SV2B: variants seen among roughly 807,000 people sequenced by gnomAD.
The protein encoded by SV2B is synaptic vesicle glycoprotein 2B, also known as solute carrier family 22 member B2.
In SV2B, 41 loss-of-function variants were observed where a neutral mutation model predicts 73.9. The ratio of observed to expected loss-of-function variants is 0.56; its 90% CI spans 0.43 to 0.72. The LOEUF (loss-of-function observed/expected upper bound fraction) is 0.72, where lower values mean the gene tolerates loss of function less well. Among genes scored for constraint, SV2B ranks in the 30% least tolerant of loss-of-function variants. SV2B has a pLI of 0.00. For missense variants in SV2B, 764 were observed against 857.8 expected (o/e 0.89, Z 1.37); for synonymous variants, 314 against 314.2 (o/e 1.00, Z 0.01).
intron 1 of SV2B, among the ~76,000 whole-genome samples, chr15:91,188,282 T>TA (rs2044853472): frequency 3.6e-5 from 5 of 140,624 alleles, no homozygotes; most frequent in Admixed American, 1.5e-4. Context: ...ATGTTCCTTA[T>TA]TTTTATTTAT....
chr15:91,201,010 G>C lies in SV2B; in HGVS notation c.-391-24863G>C, dbSNP rs1037375222. Among the ~76,000 whole-genome samples the C allele has an allele frequency of 5.3e-5, 8 of 152,330 alleles. No individual in the cohort carries two copies. In the South Asian group the frequency reaches 1.7e-3, roughly 32 times the overall value. ...AGTATCTGAAAGGATTAATACATGTGTCATAAGATAACCATTTTATGTTTG... is the reference window on the plus strand; with the variant it reads ...AGTATCTGAAAGGATTAATACATGTCTCATAAGATAACCATTTTATGTTTG... On this transcript the variant is annotated intron_variant, in intron 1 of 12. Coordinates refer to ENST00000394232, the MANE Select transcript of SV2B (RefSeq NM_001323032.3).
rs764716760 is a variant in SV2B at position 91,267,557 on chromosome 15, C to A, written c.1122C>A (p.Val374=). Residue 374 remains valine, a splice_region_variant and synonymous_variant, in exon 8 of 13, where the codon GTC becomes GTA. Coordinates refer to ENST00000394232, the MANE Select transcript of SV2B (RefSeq NM_001323032.3). The surrounding 1 kb of genome is among the most constrained non-coding windows in gnomAD (Gnocchi z 4.3). The stretch of plus-strand genomic sequence containing the variant: ...TCCTTCTCTGGTATGGGTTGTAGGT[C>A]TGGGATAATGCCCTGTACTGTGTGA... ...LVRFKTIFKQ[V]WDNALYCVMG... 1 of 1,613,008 alleles carries A rather than the reference C, an allele frequency of 6.2e-7. No individual in the cohort carries two copies. The highest frequency in any genetic ancestry group is 1.7e-5 in the Admixed American group (1 of 59,992).
chr15:91,115,056 G>A lies in SV2B; in HGVS notation c.-392+14693G>A, dbSNP rs1413387211. ...CCAAGATGGCAGGTAGTGAGGAAAGGGGAGTTTCTTAAAGGAACACTGGAG... is the reference window on the plus strand; with the variant it reads ...CCAAGATGGCAGGTAGTGAGGAAAGAGGAGTTTCTTAAAGGAACACTGGAG... On this transcript the variant is annotated intron_variant, in intron 1 of 12. Transcript: ENST00000394232. This position sits in a 1 kb window ranked among gnomAD's most constrained non-coding sequence, Gnocchi z 4.3. Among the ~76,000 whole-genome samples, 1 of 152,192 alleles carries A rather than the reference G, an allele frequency of 6.6e-6. No individual in the cohort carries two copies. The highest frequency in any genetic ancestry group is 1.5e-5 in the Non-Finnish European group (1 of 68,020).
At chr15:91,185,058 T>C (rs936914000) in intron 1 of SV2B, among the ~76,000 whole-genome samples, 16 of 152,236 alleles carry the variant, frequency 1.1e-4, no homozygotes, top group African/African-American at 3.1e-4. Flanking sequence ...GTCCATCCAA[T>C]TGAATATCAG....
At chr15:91,207,587 A>G (rs533583362) in intron 1 of SV2B, among the ~76,000 whole-genome samples, 1 of 152,276 alleles carries the variant, frequency 6.6e-6, no homozygotes, top group African/African-American at 2.4e-5. Flanking sequence ...AAGAAAAATA[A>G]TTTCTTTTCC....
At chr15:91,176,353 A>G (rs574535550) in intron 1 of SV2B, among the ~76,000 whole-genome samples, 9 of 151,516 alleles carry the variant, frequency 5.9e-5, no homozygotes, top group African/African-American at 1.5e-4. Flanking sequence ...ATAAACATAC[A>G]TGTGCATGTG....
chr15:91,235,100 C>T (rs967279961), intron 2 of SV2B, among the ~76,000 whole-genome samples: 24 of 152,130 alleles, frequency 1.6e-4, no homozygotes, highest in Non-Finnish European at 1.2e-4. Context: ...AAGAAAGGAT[C>T]ATTGAGGAGA....
Position 91,125,781 on chromosome 15 carries a change from C to CAAAAAAAAAAAAAAAAAAAAAA in SV2B, c.-392+25437_-392+25438insAAAAAAAAAAAAAAAAAAAAAA, listed in dbSNP as rs200016125. On this transcript the variant is annotated intron_variant, in intron 1 of 12. Coordinates refer to ENST00000394232, the MANE Select transcript of SV2B (RefSeq NM_001323032.3). Reference sequence around the variant, plus strand: ...CAAAGTGAGACCCTGTCTCAAGGGGCAAAAAAAAAAAAAAAAAAATTCAGT... The same window carrying CAAAAAAAAAAAAAAAAAAAAAA: ...CAAAGTGAGACCCTGTCTCAAGGGGCAAAAAAAAAAAAAAAAAAAAAAAAAAAAAAAAAAAAAAAAATTCAGT... Among the ~76,000 whole-genome samples the CAAAAAAAAAAAAAAAAAAAAAA allele has an allele frequency of 8.9e-4, 51 of 57,042 alleles. 4 individuals carry two copies. Among genetic ancestry groups the CAAAAAAAAAAAAAAAAAAAAAA allele is most frequent in the South Asian group, 2.0e-3 (3 of 1,516 alleles). 37.4% of individuals were successfully genotyped at this position (57,042 alleles called of 152,430 possible).
At chr15:91,182,834 C>A (rs1166690768) in intron 1 of SV2B, among the ~76,000 whole-genome samples, 1 of 152,184 alleles carries the variant, frequency 6.6e-6, no homozygotes, top group Non-Finnish European at 1.5e-5. Flanking sequence ...ATTAATTAAT[C>A]ATAAACCAAA....
chr15:91,143,375 G>A (rs2043053313), intron 1 of SV2B, among the ~76,000 whole-genome samples: 1 of 152,176 alleles, frequency 6.6e-6, no homozygotes, highest in African/African-American at 2.4e-5. Context: ...ATTGAAACAG[G>A]TTGCCATTAA....
rs185394043 is a variant in SV2B, at chr15:91,224,160, A to G, written c.-391-1713A>G. Among the ~76,000 whole-genome samples, 460 of 152,328 alleles carry G rather than the reference A, an allele frequency of 3.0e-3. 2 individuals carry two copies. Among genetic ancestry groups the G allele is most frequent in the Non-Finnish European group, 5.4e-3 (366 of 68,018 alleles). ...GAGGGCCCAGGGATGGGCTGTGGGC[A>G]GAGGGAGGAGTCAAGTAGCCATGGT... On this transcript the variant is annotated intron_variant, in intron 1 of 12. Coordinates refer to ENST00000394232, the MANE Select transcript of SV2B (RefSeq NM_001323032.3). The surrounding 1 kb of genome is among the most constrained non-coding windows in gnomAD (Gnocchi z 4.9).
chr15:91,118,919 T>C lies in SV2B; in HGVS notation c.-392+18556T>C, dbSNP rs1567266555. ...CTGTGTGGAGACTTGCAATACTTTATATACTGGTGAATGAGCTGTCTCGGC... is the reference window on the plus strand; with the variant it reads ...CTGTGTGGAGACTTGCAATACTTTACATACTGGTGAATGAGCTGTCTCGGC... On this transcript the variant is annotated intron_variant, in intron 1 of 12. Coordinates refer to ENST00000394232, the MANE Select transcript of SV2B (RefSeq NM_001323032.3). The surrounding 1 kb of genome is among the most constrained non-coding windows in gnomAD (Gnocchi z 4.7). Among the ~76,000 whole-genome samples the C allele has an allele frequency of 6.6e-6, 1 of 152,342 alleles. No individual in the cohort carries two copies. The highest frequency in any genetic ancestry group is 1.9e-4 in the East Asian group (1 of 5,184).
rs1388984769 is a variant in SV2B, at chr15:91,296,651, A to T, written c.*4099A>T. Reference sequence around the variant, plus strand: ...GTTGGGAGCACACTCTTTCTGCCTGATCGTTGGGAGCACACCCCTTCTGCC... The same window carrying T: ...GTTGGGAGCACACTCTTTCTGCCTGTTCGTTGGGAGCACACCCCTTCTGCC... On this transcript the variant is annotated 3_prime_UTR_variant, in exon 13 of 13. Coordinates refer to ENST00000394232, the MANE Select transcript of SV2B (RefSeq NM_001323032.3). 1 of 141,224 alleles carries T rather than the reference A, an allele frequency of 7.1e-6. No homozygotes were observed. The highest frequency in any genetic ancestry group is 2.8e-5 in the African/African-American group (1 of 36,102). The allele number at this position is 141,224 out of a possible 1,614,324, so 8.7% of individuals were successfully genotyped here.
In SV2B at chr15:91,242,430, C is replaced by T. The variant is rs997642635; in HGVS notation, c.452-9389C>T. 5.3e-5 allele frequency among the ~76,000 whole-genome samples: 8 copies of T among 152,192 alleles called. No individual in the cohort carries two copies. Among genetic ancestry groups the T allele is most frequent in the African/African-American group, 1.4e-4 (6 of 41,450 alleles). ...CTACCAACCTGGCCCAAGTCATCAGCGTCATTCACTTGAAATACATGTGGT... is the reference window on the plus strand; with the variant it reads ...CTACCAACCTGGCCCAAGTCATCAGTGTCATTCACTTGAAATACATGTGGT... On this transcript the variant is annotated intron_variant, in intron 2 of 12. Transcript: ENST00000394232. This position sits in a 1 kb window ranked among gnomAD's most constrained non-coding sequence, Gnocchi z 4.9.
chr15:91,275,435 G>T (rs2048453258), intron 9 of SV2B, among the ~76,000 whole-genome samples: 1 of 152,110 alleles, frequency 6.6e-6, no homozygotes, highest in African/African-American at 2.4e-5. Flanking sequence ...TGTGATTGTT[G>T]TCATACATAC....
intron 1 of SV2B, among the ~76,000 whole-genome samples, chr15:91,147,021 A>G (rs1302032144): frequency 6.6e-6 from 1 of 152,228 alleles, no homozygotes; most frequent in African/African-American, 2.4e-5. Context: ...GTTGGCTGTA[A>G]GCATTTATCC....
intron 11 of SV2B, among the ~76,000 whole-genome samples, chr15:91,287,608 C>T (rs937682294): frequency 6.6e-6 from 1 of 152,188 alleles, no homozygotes; most frequent in Non-Finnish European, 1.5e-5. Context: ...CTGTGCTGCT[C>T]ATTTTCTGTT....
At chr15:91,276,709 C>A (rs555900773) in intron 9 of SV2B, among the ~76,000 whole-genome samples, 1 of 151,536 alleles carries the variant, frequency 6.6e-6, no homozygotes, top group East Asian at 1.9e-4. Flanking sequence ...ACTGCTCATG[C>A]GTGTTAACCA....
chr15:91,149,043 A>C (rs924519343), intron 1 of SV2B, among the ~76,000 whole-genome samples: 2 of 152,216 alleles, frequency 1.3e-5, no homozygotes, highest in South Asian at 4.1e-4. Context: ...GGCATTTGTC[A>C]ATTTGGCTAC....
Sources: gnomAD v4.1 joint callset for allele counts (sites outside exome capture counted in the v4.1 genomes callset) on GRCh38, gnomAD v4.1.1 for gene constraint, Gnocchi (gnomAD v3.1) non-coding constraint, MANE v1.5 for transcripts, NCBI Gene and HGNC (gene_info 2026-07-23, HGNC 2026-07-21) for gene names.